Variants in CDH18 observed in about 807,000 individuals in gnomAD.
The protein encoded by CDH18 is cadherin-18.
Under a neutral mutation model 67.9 loss-of-function variants are expected in CDH18, and 31 were observed. The ratio of observed to expected loss-of-function variants is 0.46; its 90% CI spans 0.34 to 0.62. The LOEUF (loss-of-function observed/expected upper bound fraction) is 0.62, where lower values mean the gene tolerates loss of function less well. Among genes scored for constraint, CDH18 ranks in the 20% least tolerant of loss-of-function variants. The pLI is 0.01. For missense variants in CDH18, 890 were observed against 975.5 expected (o/e 0.91, Z 1.17); for synonymous variants, 362 against 347.2 (o/e 1.04, Z -0.48).
At chr5:19,948,626 G>T (rs912676771) in intron 2 of CDH18, among the ~76,000 whole-genome samples, 4 of 152,082 alleles carry the variant, frequency 2.6e-5, no homozygotes, top group African/African-American at 9.7e-5. Flanking sequence ...TGACAAAGTT[G>T]CATAGAACTA....
intron 2 of CDH18, among the ~76,000 whole-genome samples, chr5:19,999,469 G>T (rs1736269607): frequency 6.6e-6 from 1 of 152,112 alleles, no homozygotes; most frequent in African/African-American, 2.4e-5. Context: ...GGGCATGGTG[G>T]CAGGTACCTA....
At position 19,591,081 on chromosome 5, in the gene CDH18, T is replaced by A. The variant is rs1745050678; in HGVS notation, c.975A>T (p.Arg325Ser). The change falls in exon 7 of 13, where the codon AGA (arginine) becomes AGT (serine). Residue 325 changes from arginine to serine, a missense_variant. By Grantham distance (110) the Arg-to-Ser change is moderately radical. Around this residue, in one of 2 missense-constraint regions of CDH18, gnomAD observed 656 missense variants for 668.1 expected, o/e 0.98. Transcript: ENST00000382275. Reference protein sequence around the residue: ...IFSISTDKETREGILSLKKPL... With the variant: ...IFSISTDKETSEGILSLKKPL... ...CCTTCTTTAAAGAAAGGATTCCTTC[T>A]CTGGTCTCTTTGTCAGTGGAGATTG... The A allele has an allele frequency of 3.7e-6, 6 of 1,600,832 alleles. No individual in the cohort carries two copies. The highest frequency in any genetic ancestry group is 5.1e-6 in the Non-Finnish European group (6 of 1,173,522).
intron 1 of CDH18, among the ~76,000 whole-genome samples, chr5:20,487,793 G>A (rs932297056): frequency 2.0e-5 from 3 of 151,626 alleles, no homozygotes; most frequent in African/African-American, 4.8e-5. Context: ...CTATTTAATA[G>A]TATTATTAAA....
chr5:20,499,490 G>C (rs1472030040), intron 1 of CDH18, among the ~76,000 whole-genome samples: 1 of 151,882 alleles, frequency 6.6e-6, no homozygotes, highest in East Asian at 1.9e-4. Flanking sequence ...AAAAACTGGG[G>C]GCTATAAAGT....
chr5:20,086,446 A>T (rs1744958356), intron 2 of CDH18, among the ~76,000 whole-genome samples: 1 of 152,200 alleles, frequency 6.6e-6, no homozygotes, highest in African/African-American at 2.4e-5. Context: ...CAGATTTTTG[A>T]TGGAGATAAA....
chr5:20,483,690 CATCA>C (rs1752980694), intron 1 of CDH18, among the ~76,000 whole-genome samples: 1 of 150,336 alleles, frequency 6.7e-6, no homozygotes, highest in African/African-American at 2.4e-5. Flanking sequence ...AGGACACACA[CATCA>C]ATAAATGGTG....
chr5:19,510,168 G>T (rs1225089281), intron 10 of CDH18, among the ~76,000 whole-genome samples: 1 of 152,146 alleles, frequency 6.6e-6, no homozygotes, highest in Non-Finnish European at 1.5e-5. Context: ...GCCAATTGTT[G>T]TTTAAATAGA....
chr5:19,549,735 GAAAGAGAGAAA>G, intron 8 of CDH18, among the ~76,000 whole-genome samples: 2 of 122,106 alleles, frequency 1.6e-5, no homozygotes, highest in African/African-American at 6.6e-5. Flanking sequence ...GGAAGAAAGA[GAAAGAGAGAAA>G]AGAAAAAGAA....
chr5:19,823,015 G>T (rs1402937190), intron 3 of CDH18, among the ~76,000 whole-genome samples: 2 of 152,180 alleles, frequency 1.3e-5, no homozygotes, highest in Non-Finnish European at 2.9e-5. Flanking sequence ...CTGAGAAAAA[G>T]AATTCAGTGA....
intron 1 of CDH18, among the ~76,000 whole-genome samples, chr5:20,270,010 G>C (rs952136587): frequency 6.6e-6 from 1 of 151,962 alleles, no homozygotes; most frequent in Non-Finnish European, 1.5e-5. Context: ...ACCTGAACTG[G>C]ATCATGAGGA....
intron 1 of CDH18, among the ~76,000 whole-genome samples, chr5:20,553,895 G>A (rs1757771370): frequency 6.6e-6 from 1 of 152,072 alleles, no homozygotes; most frequent in African/African-American, 2.4e-5. Flanking sequence ...TACTCCTAAA[G>A]AGCTATTACA....
intron 2 of CDH18, among the ~76,000 whole-genome samples, chr5:20,073,208 C>G (rs1469887791): frequency 6.6e-6 from 1 of 151,958 alleles, no homozygotes; most frequent in Non-Finnish European, 1.5e-5. Context: ...TTGCTAATTG[C>G]AAAACCTAAT....
At chr5:19,775,216 T>G (rs1015225712) in intron 3 of CDH18, among the ~76,000 whole-genome samples, 1 of 152,196 alleles carries the variant, frequency 6.6e-6, no homozygotes, top group East Asian at 1.9e-4. Context: ...TTTACGCTAC[T>G]AGCTCGCTAC....
intron 5 of CDH18, among the ~76,000 whole-genome samples, chr5:19,696,405 CA>C (rs1762547463): frequency 6.6e-6 from 1 of 151,772 alleles, no homozygotes; most frequent in East Asian, 2.0e-4. Context: ...GGTGTGGTGG[CA>C]CAACCTGTAG....
intron 3 of CDH18, among the ~76,000 whole-genome samples, chr5:19,811,717 G>C (rs1778764827): frequency 6.6e-6 from 1 of 152,060 alleles, no homozygotes; most frequent in African/African-American, 2.4e-5. Flanking sequence ...GAGAAAGAAA[G>C]ACAATTTAAA....
intron 1 of CDH18, among the ~76,000 whole-genome samples, chr5:20,476,546 C>G (rs1030664425): frequency 2.0e-4 from 31 of 152,096 alleles, no homozygotes; most frequent in Non-Finnish European, 2.9e-5. Flanking sequence ...CTGAAAGAAT[C>G]CTAATTCAAT....
chr5:20,566,294 A>G (rs1422762625), intron 1 of CDH18, among the ~76,000 whole-genome samples: 1 of 151,450 alleles, frequency 6.6e-6, no homozygotes, highest in Admixed American at 6.6e-5. Context: ...CAAATTTCTC[A>G]TTGTAACCCA....
chr5:20,110,835 T>C (rs564651943), intron 2 of CDH18, among the ~76,000 whole-genome samples: 3 of 152,326 alleles, frequency 2.0e-5, no homozygotes, highest in African/African-American at 7.2e-5. Flanking sequence ...AGCACACTTT[T>C]ATTTTTCACT....
chr5:19,875,511 G>A lies in CDH18; in HGVS notation c.-256-36269C>T, dbSNP rs185715851. On this transcript the variant is annotated intron_variant, in intron 2 of 12. Transcript: ENST00000382275. The stretch of plus-strand genomic sequence containing the variant: ...AGATTATAAAGATTTAAAGCCATTG[G>A]AAACCCAAGTTAAAATGATGCATTA... Among the ~76,000 whole-genome samples, 20 of 152,054 alleles carry A rather than the reference G, an allele frequency of 1.3e-4. No homozygotes were observed. The East Asian group carries it at 3.5e-3, about 27-fold the overall frequency.
Sources: gnomAD v4.1 joint callset for allele counts (sites outside exome capture counted in the v4.1 genomes callset) on GRCh38, gnomAD v4.1.1 for gene constraint, gnomAD v4.1.1 regional missense constraint, MANE v1.5 for transcripts, NCBI Gene and HGNC (gene_info 2026-07-23, HGNC 2026-07-21) for gene names.